Variants in ARHGEF37 observed in about 807,000 individuals in gnomAD.
The protein encoded by ARHGEF37 is Rho guanine nucleotide exchange factor 37.
ARHGEF37 carries 55 observed loss-of-function variants against 71.1 expected under a neutral mutation model. The ratio of observed to expected loss-of-function variants is 0.77; its 90% CI spans 0.62 to 0.97. The LOEUF is 0.97. ARHGEF37 is among the 50% of genes least tolerant of loss of function. The pLI, the probability that ARHGEF37 is intolerant of heterozygous loss-of-function variation, is 0.00. For missense variants in ARHGEF37, 765 were observed against 836.8 expected, an observed-to-expected ratio of 0.91 and a Z score of 1.06; for synonymous variants, 327 against 350.6, an observed-to-expected ratio of 0.93 and a Z score of 0.75.
rs1380945742 is a variant in ARHGEF37, at chr5:149,570,355, CCT to C, written c.-12+18233_-12+18234del. Among the ~76,000 whole-genome samples, 122 of 150,686 alleles carry C rather than the reference CCT, an allele frequency of 8.1e-4. 1 individual carries two copies. Among genetic ancestry groups the C allele is most frequent in the African/African-American group, 2.9e-3 (119 of 40,634 alleles). On this transcript the variant is annotated intron_variant, in intron 1 of 2. Transcript: ENST00000505810. ...TTGGGAGGCCGAGGTGGGTGGATCA[CCT>C]GAGGTCAGGAGTTTGAGACCAGGCT...
intron 8 of ARHGEF37, 30 bp from the exon 9 acceptor site, chr5:149,621,703 C>G (rs768209862): frequency 6.3e-7 from 1 of 1,582,662 alleles, no homozygotes. Context: ...CACCTCCTTT[C>G]CCGACTCCCA....
intron 1 of ARHGEF37, chr5:149,552,165 CAG>C (rs1762684882): frequency 9.4e-6 from 1 of 106,410 alleles, no homozygotes; most frequent in African/African-American, 3.6e-5. Context: ...ATGGAATCAA[CAG>C]AAAATTAATT....
chr5:149,630,650 C>A (rs547146728), intron 12 of ARHGEF37, among the ~76,000 whole-genome samples: 12 of 152,174 alleles, frequency 7.9e-5, no homozygotes, highest in African/African-American at 2.9e-4. Flanking sequence ...GCCTCTGCCC[C>A]GGTGCCTCTG....
At chr5:149,616,190 C>G (rs1028076963) in intron 4 of ARHGEF37, among the ~76,000 whole-genome samples, 7 of 152,074 alleles carry the variant, frequency 4.6e-5, no homozygotes, top group Admixed American at 3.3e-4. Flanking sequence ...GAGAGGCCAG[C>G]AGAGGAGGCT....
intron 6 of ARHGEF37, 112 bp from the exon 7 acceptor site, chr5:149,618,826 C>T (rs1752451740): frequency 1.2e-6 from 1 of 854,758 alleles, no homozygotes; most frequent in African/African-American, 1.7e-5. Context: ...CGAGAACCAG[C>T]TCTGGTGGGC....
chr5:149,598,272 T>TTCC (rs1763613559), intron 2 of ARHGEF37, among the ~76,000 whole-genome samples: 2 of 129,466 alleles, frequency 1.5e-5, no homozygotes, highest in South Asian at 5.1e-4. Context: ...ACTCTTCTTC[T>TTCC]TCTTCTTCTT....
At chr5:149,591,586 T>C (rs1305334296) in intron 1 of ARHGEF37, among the ~76,000 whole-genome samples, 1 of 152,200 alleles carries the variant, frequency 6.6e-6, no homozygotes, top group Admixed American at 6.6e-5. Flanking sequence ...CTGAGAGTAT[T>C]GCAAAGATAG....
At chr5:149,562,099 G>A (rs529722164) in intron 1 of ARHGEF37, among the ~76,000 whole-genome samples, 4 of 152,304 alleles carry the variant, frequency 2.6e-5, no homozygotes, top group African/African-American at 9.6e-5. Context: ...AGGAAGCACT[G>A]ATACTTATCA....
chr5:149,596,349 G>C (rs558942883), intron 1 of ARHGEF37, among the ~76,000 whole-genome samples: 1 of 152,212 alleles, frequency 6.6e-6, no homozygotes, highest in Non-Finnish European at 1.5e-5. Context: ...CTGTCACCCA[G>C]GCTGGAGGGC....
chr5:149,623,128 G>A (rs1469440204), intron 9 of ARHGEF37, among the ~76,000 whole-genome samples: 1 of 152,118 alleles, frequency 6.6e-6, no homozygotes, highest in Non-Finnish European at 1.5e-5. Context: ...TCAGTGTCTG[G>A]CATAGAGTAG....
At chr5:149,619,086 T>A in intron 7 of ARHGEF37, 44 bp downstream of exon 7, 1 of 1,555,140 alleles carries the variant, frequency 6.4e-7, no homozygotes. Context: ...CTGGGCTGGG[T>A]TCCCCTGGCA....
chr5:149,591,890 T>C (rs1187423957), intron 1 of ARHGEF37, among the ~76,000 whole-genome samples: 1 of 152,232 alleles, frequency 6.6e-6, no homozygotes, highest in Non-Finnish European at 1.5e-5. Context: ...GTTCACTAGG[T>C]GTCAGGTATA....
chr5:149,603,351 C>G (rs1441367465), intron 3 of ARHGEF37, among the ~76,000 whole-genome samples: 5 of 152,038 alleles, frequency 3.3e-5, no homozygotes, highest in Non-Finnish European at 7.4e-5. Flanking sequence ...ATGTAGATAC[C>G]ATTATCTCAT....
intron 10 of ARHGEF37, among the ~76,000 whole-genome samples, chr5:149,625,285 A>G (rs1420820783): frequency 2.0e-5 from 3 of 152,204 alleles, no homozygotes; most frequent in Admixed American, 1.3e-4. Context: ...AAGTGTACCC[A>G]GGCAGTCTGT....
At chr5:149,591,491 C>T (rs1340630947) in intron 1 of ARHGEF37, among the ~76,000 whole-genome samples, 1 of 152,226 alleles carries the variant, frequency 6.6e-6, no homozygotes, top group East Asian at 1.9e-4. Context: ...TCAAGTGATC[C>T]TCCCTCCTCA....
intron 1 of ARHGEF37, among the ~76,000 whole-genome samples, chr5:149,554,336 T>C (rs761541986): frequency 6.6e-6 from 1 of 152,070 alleles, no homozygotes; most frequent in Non-Finnish European, 1.5e-5. Flanking sequence ...TCTCAATAAA[T>C]GAATGAATGA....
intron 9 of ARHGEF37, 98 bp downstream of exon 9, chr5:149,622,160 A>T: frequency 7.9e-7 from 1 of 1,269,042 alleles, no homozygotes; most frequent in Non-Finnish European, 1.1e-6. Context: ...TGGAGGGAGG[A>T]TGGGCCTGAA....
At chr5:149,594,193 A>G (rs1031209333) in intron 1 of ARHGEF37, among the ~76,000 whole-genome samples, 2 of 152,338 alleles carry the variant, frequency 1.3e-5, no homozygotes, top group East Asian at 1.9e-4. Flanking sequence ...CTAGATTGCA[A>G]TTAACCTAAG....
chr5:149,558,244 C>T (rs1042744657), intron 1 of ARHGEF37, among the ~76,000 whole-genome samples: 6 of 152,214 alleles, frequency 3.9e-5, no homozygotes, highest in Middle Eastern at 3.4e-3. Flanking sequence ...CCATGGCTTA[C>T]GCCATGCAAT....
Sources: gnomAD v4.1 joint callset for allele counts (sites outside exome capture counted in the v4.1 genomes callset) on GRCh38, gnomAD v4.1.1 for gene constraint, MANE v1.5 for transcripts, NCBI Gene and HGNC (gene_info 2026-07-23, HGNC 2026-07-21) for gene names.